XKR9: variants seen among roughly 807,000 people sequenced by gnomAD.
XKR9 encodes XK-related protein 9.
Under a neutral mutation model 32.0 loss-of-function variants are expected in XKR9, and 32 were observed. The observed-to-expected ratio is 1.00, with a 90% CI of 0.76 to 1.34. The LOEUF (loss-of-function observed/expected upper bound fraction) is 1.34. Among genes scored for constraint, XKR9 ranks in the 40% most tolerant of loss-of-function variants. The pLI, the probability that XKR9 is intolerant of heterozygous loss-of-function variation, is 0.00. For missense variants in XKR9, 546 were observed against 429.7 expected, an observed-to-expected ratio of 1.27 and a Z score of -2.39; for synonymous variants, 168 against 143.4, an observed-to-expected ratio of 1.17 and a Z score of -1.22.
intron 2 of XKR9, among the ~76,000 whole-genome samples, chr8:70,767,753 A>T (rs1433172453): frequency 6.6e-6 from 1 of 151,774 alleles, no homozygotes; most frequent in Non-Finnish European, 1.5e-5. Flanking sequence ...TGCCTGTTTC[A>T]GCCTCCCAAA....
At chr8:70,763,643 A>G (rs892689221) in intron 2 of XKR9, among the ~76,000 whole-genome samples, 2 of 152,230 alleles carry the variant, frequency 1.3e-5, no homozygotes, top group Admixed American at 6.5e-5. Flanking sequence ...AAGCAGATCT[A>G]AAACTAATTT....
chr8:70,769,306 G>A lies in XKR9; in HGVS notation n.353-20033G>A, dbSNP rs141389891. On this transcript the variant is annotated intron_variant and non_coding_transcript_variant, in intron 2 of 3. Coordinates refer to the XKR9 transcript ENST00000520273. Reference sequence around the variant, plus strand: ...TTGTAGGGTTTCTGCAGAGAAATCCGCTGTTAGTCTGATGGGCTTCCCTTT... The same window carrying A: ...TTGTAGGGTTTCTGCAGAGAAATCCACTGTTAGTCTGATGGGCTTCCCTTT... 9.7e-3 allele frequency among the ~76,000 whole-genome samples: 1,467 copies of A among 150,878 alleles called. 22 individuals are homozygous for A. The highest frequency in any genetic ancestry group is 0.034 in the African/African-American group (1,395 of 41,056).
At chr8:70,757,509 G>A (rs1052651093) in intron 2 of XKR9, among the ~76,000 whole-genome samples, 3 of 151,804 alleles carry the variant, frequency 2.0e-5, no homozygotes, top group African/African-American at 7.2e-5. Context: ...TCTCTATTTG[G>A]TATAATATTG....
chr8:70,750,686 A>G (rs1807127416), intron 2 of XKR9, among the ~76,000 whole-genome samples: 1 of 152,240 alleles, frequency 6.6e-6, no homozygotes, highest in Non-Finnish European at 1.5e-5. Flanking sequence ...AATGGTTTTT[A>G]GCCTAGTCAT....
the XKR9 span, among the ~76,000 whole-genome samples, chr8:70,807,240 G>C: frequency 6.6e-6 from 1 of 152,126 alleles, no homozygotes; most frequent in African/African-American, 2.4e-5. Flanking sequence ...TACCAGGCCT[G>C]CCTTGCAAGA....
chr8:70,966,846 T>C, the XKR9 span, among the ~76,000 whole-genome samples: 1 of 152,156 alleles, frequency 6.6e-6, no homozygotes, highest in Admixed American at 6.5e-5. Flanking sequence ...GCTCTTTTTA[T>C]TGAATTGAAC....
At chr8:70,784,696 T>C (rs980618140) in intron 2 of XKR9, among the ~76,000 whole-genome samples, 1 of 152,168 alleles carries the variant, frequency 6.6e-6, no homozygotes, top group Admixed American at 6.5e-5. Flanking sequence ...TATTTCTTTC[T>C]CTTGCTTAAT....
chr8:70,776,915 C>CTCTT (rs1266049772), intron 2 of XKR9, among the ~76,000 whole-genome samples: 11 of 101,082 alleles, frequency 1.1e-4, no homozygotes, highest in African/African-American at 4.2e-4. Flanking sequence ...AGCAGGTTTT[C>CTCTT]TCTTTCTTTC....
chr8:70,908,855 G>T, the XKR9 span, among the ~76,000 whole-genome samples: 53 of 152,280 alleles, frequency 3.5e-4, no homozygotes, highest in African/African-American at 1.3e-3. Context: ...ATGGGCCATA[G>T]TTTGCCAACC....
At chr8:71,059,480 C>T in the XKR9 span, among the ~76,000 whole-genome samples, 3,559 of 152,266 alleles carry the variant, frequency 0.023, 141 homozygotes, top group African/African-American at 0.081. Flanking sequence ...CAAAGTGATT[C>T]GTCCTGCCAA....
chr8:70,700,838 G>C (rs962217151), intron 3 of XKR9, among the ~76,000 whole-genome samples: 2 of 152,214 alleles, frequency 1.3e-5, no homozygotes, highest in Non-Finnish European at 2.9e-5. Flanking sequence ...TGGGCTCCAC[G>C]CAGTTTGAGC....
the XKR9 span, among the ~76,000 whole-genome samples, chr8:71,054,529 T>G: frequency 6.6e-6 from 1 of 152,194 alleles, no homozygotes; most frequent in Non-Finnish European, 1.5e-5. Flanking sequence ...GCACCACTTC[T>G]GTAAATGGCC....
the XKR9 span, among the ~76,000 whole-genome samples, chr8:71,053,304 A>C: frequency 1.8e-4 from 28 of 152,192 alleles, no homozygotes; most frequent in Non-Finnish European, 3.5e-4. Context: ...GGGAGTAGAG[A>C]TTCTAAAACC....
At chr8:71,054,202 T>C in the XKR9 span, among the ~76,000 whole-genome samples, 1 of 152,144 alleles carries the variant, frequency 6.6e-6, no homozygotes, top group Admixed American at 6.6e-5. Flanking sequence ...CAGCAATAGA[T>C]AACTAAAACA....
At chr8:70,902,841 G>A in the XKR9 span, among the ~76,000 whole-genome samples, 12 of 152,232 alleles carry the variant, frequency 7.9e-5, no homozygotes, top group South Asian at 6.2e-4. Flanking sequence ...AGCATGAAGC[G>A]CTGTTGAATT....
At chr8:70,993,193 CCTT>C in the XKR9 span, among the ~76,000 whole-genome samples, 4,289 of 152,226 alleles carry the variant, frequency 0.028, 170 homozygotes, top group African/African-American at 0.099. Context: ...TCTAGATTGT[CCTT>C]CTCCTACCCT....
At chr8:71,040,082 C>T in the XKR9 span, among the ~76,000 whole-genome samples, 1 of 152,126 alleles carries the variant, frequency 6.6e-6, no homozygotes, top group Non-Finnish European at 1.5e-5. Context: ...ACAAAGAAAG[C>T]TTAGGATTTA....
At chr8:70,923,943 G>T in the XKR9 span, among the ~76,000 whole-genome samples, 10 of 151,888 alleles carry the variant, frequency 6.6e-5, no homozygotes, top group African/African-American at 2.4e-4. Flanking sequence ...TCTCCTATTT[G>T]CTTCCTGTAT....
the XKR9 span, among the ~76,000 whole-genome samples, chr8:70,829,492 A>G: frequency 1.3e-5 from 2 of 152,218 alleles, no homozygotes; most frequent in African/African-American, 4.8e-5. Flanking sequence ...CCTGTCTCCC[A>G]GGCTGGAGTG....
Sources: allele counts gnomAD v4.1 joint callset (sites outside exome capture counted in the v4.1 genomes callset), GRCh38; gene constraint gnomAD v4.1.1; transcripts MANE v1.5; gene names NCBI Gene and HGNC (gene_info 2026-07-23, HGNC 2026-07-21).